DIAPH3: variants seen among roughly 807,000 people sequenced by gnomAD.
DIAPH3 encodes diaphanous related formin 3, also known as protein diaphanous homolog 3.
In DIAPH3, 117 loss-of-function variants were observed where a neutral mutation model predicts 144.3. The ratio of observed to expected loss-of-function variants is 0.81; its 90% CI spans 0.70 to 0.95. The LOEUF is 0.95. Among genes scored for constraint, DIAPH3 ranks in the 40% least tolerant of loss-of-function variants. The pLI is 0.00. For missense variants in DIAPH3, 1,421 were observed against 1,412.7 expected, an observed-to-expected ratio of 1.01 and a Z score of -0.09; for synonymous variants, 519 against 488.9, an observed-to-expected ratio of 1.06 and a Z score of -0.81.
At position 60,010,585 on chromosome 13, in the gene DIAPH3, TC is replaced by T; in HGVS notation, c.855del (p.Met285IlefsTer14). ...GCAGAGAGAAGTTTAACCACATCTG[TC>T]ATCATATTGGGGTGTCTGGGATCCA... is the stretch of plus-strand genomic sequence containing the variant. ...KAVDPRHPNM[M>X]TDVVKLLSAV... On this transcript the variant is annotated frameshift_variant, in exon 8 of 28. Coordinates refer to ENST00000400324, the MANE Select transcript of DIAPH3 (RefSeq NM_001042517.2). LOFTEE classifies it high-confidence loss of function. 6.2e-7 allele frequency: 1 copy of T among 1,613,390 alleles called. No individual in the cohort carries two copies. The highest frequency in any genetic ancestry group is 8.5e-7 in the Non-Finnish European group (1 of 1,179,604).
chr13:59,763,581 G>A (rs1718042456), intron 27 of DIAPH3, among the ~76,000 whole-genome samples: 1 of 152,234 alleles, frequency 6.6e-6, no homozygotes, highest in Non-Finnish European at 1.5e-5. Flanking sequence ...CTACTCGCAA[G>A]GCTGACGTGG....
intron 5 of DIAPH3, among the ~76,000 whole-genome samples, chr13:60,019,144 C>T (rs1392648648): frequency 6.6e-6 from 1 of 152,062 alleles, no homozygotes; most frequent in Non-Finnish European, 1.5e-5. Context: ...GTAGTCTTGA[C>T]AGAGGTTTAT....
In DIAPH3 at chr13:60,003,518, C is replaced by CAT. The variant is rs553615546; in HGVS notation, c.1014+5024_1014+5025dup. ...GATAATATATATGTATGTGTGTATA[C>CAT]ATATATATATAGATATATCTATCTA... On this transcript the variant is annotated intron_variant, in intron 9 of 27. Coordinates refer to ENST00000400324, the MANE Select transcript of DIAPH3 (RefSeq NM_001042517.2). 1.8e-3 allele frequency among the ~76,000 whole-genome samples: 268 copies of CAT among 149,500 alleles called. 1 individual carries two copies. Among genetic ancestry groups the CAT allele is most frequent in the Middle Eastern group, 3.5e-3 (1 of 284 alleles).
At chr13:59,754,436 T>C (rs964608601) in intron 27 of DIAPH3, among the ~76,000 whole-genome samples, 2 of 152,166 alleles carry the variant, frequency 1.3e-5, no homozygotes, top group South Asian at 2.1e-4. Context: ...CTTTCTAAAA[T>C]AGACTCCCAC....
At chr13:59,686,410 C>T (rs966804642) in intron 27 of DIAPH3, among the ~76,000 whole-genome samples, 2 of 151,702 alleles carry the variant, frequency 1.3e-5, no homozygotes, top group Non-Finnish European at 2.9e-5. Flanking sequence ...CATCAATGTT[C>T]TACTCAAAAG....
At chr13:59,923,514 C>T (rs1267605630) in intron 18 of DIAPH3, among the ~76,000 whole-genome samples, 1 of 152,042 alleles carries the variant, frequency 6.6e-6, no homozygotes, top group Non-Finnish European at 1.5e-5. Flanking sequence ...TTCATCACAC[C>T]AGTTTCTGTT....
At chr13:59,897,992 G>C (rs1402622134) in intron 20 of DIAPH3, among the ~76,000 whole-genome samples, 8 of 151,482 alleles carry the variant, frequency 5.3e-5, no homozygotes, top group Admixed American at 2.0e-4. Context: ...AAATTAGCCA[G>C]GCATGGTGGC....
chr13:60,077,291 G>C (rs527699505), intron 4 of DIAPH3, among the ~76,000 whole-genome samples: 1 of 152,026 alleles, frequency 6.6e-6, no homozygotes, highest in South Asian at 2.1e-4. Flanking sequence ...GAGAACACTA[G>C]TTCTCATCTA....
At chr13:59,855,974 T>G (rs2043232149) in intron 22 of DIAPH3, among the ~76,000 whole-genome samples, 1 of 152,090 alleles carries the variant, frequency 6.6e-6, no homozygotes, top group African/African-American at 2.4e-5. Flanking sequence ...TGATTAACTG[T>G]ATTCTAAAAC....
chr13:60,053,727 T>C (rs1334214022), intron 4 of DIAPH3, among the ~76,000 whole-genome samples: 1 of 152,088 alleles, frequency 6.6e-6, no homozygotes, highest in Non-Finnish European at 1.5e-5. Flanking sequence ...GTTTGCTTTA[T>C]TCAATGTATA....
intron 25 of DIAPH3, among the ~76,000 whole-genome samples, chr13:59,802,317 T>C (rs968262844): frequency 2.6e-5 from 4 of 152,120 alleles, no homozygotes; most frequent in Non-Finnish European, 4.4e-5. Flanking sequence ...ACTTTCCATT[T>C]CAAATTAATA....
At chr13:59,740,700 C>G (rs7332947) in intron 27 of DIAPH3, among the ~76,000 whole-genome samples, 1 of 151,898 alleles carries the variant, frequency 6.6e-6, no homozygotes, top group African/African-American at 2.4e-5. Context: ...AGAAACGTAC[C>G]GCAAGCTGGA....
At chr13:59,737,853 G>A (rs1362604801) in intron 27 of DIAPH3, among the ~76,000 whole-genome samples, 2 of 151,992 alleles carry the variant, frequency 1.3e-5, no homozygotes, top group Admixed American at 6.5e-5. Context: ...AAATATACAA[G>A]GCCTATCTTC....
At chr13:59,973,099 C>T (rs1249052339) in intron 15 of DIAPH3, among the ~76,000 whole-genome samples, 1 of 152,112 alleles carries the variant, frequency 6.6e-6, no homozygotes, top group Non-Finnish European at 1.5e-5. Flanking sequence ...TCACTGTATA[C>T]AATTTAAAAC....
Position 60,078,842 on chromosome 13 carries a change from C to A in DIAPH3, c.495+14786G>T, listed in dbSNP as rs143024894. ...TTTAAAAATCAATGGGGTGAGAGAC[C>A]TAAAATTTTTGGATACTACTAGACC... On this transcript the variant is annotated intron_variant, in intron 4 of 27. Transcript: ENST00000400324. Among the ~76,000 whole-genome samples the A allele has an allele frequency of 3.8e-4, 58 of 151,654 alleles. No homozygotes were observed. The East Asian group carries it at 0.011, about 29-fold the overall frequency.
chr13:59,775,097 C>T (rs1237769654), intron 25 of DIAPH3, among the ~76,000 whole-genome samples: 1 of 152,168 alleles, frequency 6.6e-6, no homozygotes, highest in South Asian at 2.1e-4. Context: ...AGTCCAACAG[C>T]ACAATTACCT....
intron 24 of DIAPH3, among the ~76,000 whole-genome samples, chr13:59,832,572 T>C (rs2041833098): frequency 6.6e-6 from 1 of 151,798 alleles, no homozygotes; most frequent in Non-Finnish European, 1.5e-5. Flanking sequence ...TCAGCTAATA[T>C]GTTTGAAAAG....
At chr13:59,897,439 G>A (rs1479529452) in intron 20 of DIAPH3, among the ~76,000 whole-genome samples, 1 of 152,190 alleles carries the variant, frequency 6.6e-6, no homozygotes, top group Admixed American at 6.5e-5. Flanking sequence ...ATGTAAAGTG[G>A]AATATAGTTC....
chr13:59,991,212 T>C lies in DIAPH3; in HGVS notation c.1307A>G (p.Tyr436Cys). The change falls in exon 12 of 28, where the codon TAT becomes TGT. Residue 436 changes from tyrosine (Y) to cysteine (C), a missense_variant. Tyr to Cys is a radical substitution (Grantham distance 194, BLOSUM62 -2). Transcript: ENST00000400324. ...STVKETRAEG[Y>C]FISILQHLLL... is the part of the protein sequence containing the mutation. Reference sequence around the variant, plus strand: ...AAGATGCTGAAGAATAGAAATAAAATATCCCTCTGCTCTAGTTTCTTTAAC... The same window carrying C: ...AAGATGCTGAAGAATAGAAATAAAACATCCCTCTGCTCTAGTTTCTTTAAC... 2 of 1,611,394 alleles carry C rather than the reference T, an allele frequency of 1.2e-6. No individual in the cohort carries two copies. Among genetic ancestry groups the C allele is most frequent in the Non-Finnish European group, 1.7e-6 (2 of 1,178,648 alleles).
Sources: gnomAD v4.1 joint callset for allele counts (sites outside exome capture counted in the v4.1 genomes callset) on GRCh38, gnomAD v4.1.1 for gene constraint, MANE v1.5 for transcripts, NCBI Gene and HGNC (gene_info 2026-07-23, HGNC 2026-07-21) for gene names.